Variants in SBF2 observed in about 807,000 individuals in gnomAD.
The protein encoded by SBF2 is myotubularin-related protein 13.
A neutral mutation model predicts 225.2 loss-of-function variants in SBF2; 112 were observed. The ratio of observed to expected loss-of-function variants is 0.50; its 90% CI spans 0.43 to 0.58. SBF2 has a LOEUF of 0.58. SBF2 is among the 20% of genes least tolerant of loss of function. The pLI is 0.00. For missense variants in SBF2, 1,996 were observed against 2,206.2 expected, an observed-to-expected ratio of 0.90 and a Z score of 1.91; for synonymous variants, 763 against 773.3, an observed-to-expected ratio of 0.99 and a Z score of 0.22.
Position 10,193,957 on chromosome 11 carries a change from T to C in SBF2, c.86A>G (p.Gln29Arg). The C allele has an allele frequency of 6.2e-7, 1 of 1,612,826 alleles. No individual in the cohort carries two copies. Among genetic ancestry groups the C allele is most frequent in the Non-Finnish European group, 8.5e-7 (1 of 1,178,870 alleles). ...GSGEGLGKII[Q>R]RFPQKDWDDT... Reference sequence around the variant, plus strand: ...ATCCCAGTCCTTCTGTGGAAATCTCTGGATTATTTTCCCCAGACCTTCTCC... The same window carrying C: ...ATCCCAGTCCTTCTGTGGAAATCTCCGGATTATTTTCCCCAGACCTTCTCC... Residue 29 changes from glutamine (Q) to arginine (R), a missense_variant, in exon 2 of 40, where the codon CAG becomes CGG. Coordinates refer to ENST00000256190, the MANE Select transcript of SBF2 (RefSeq NM_030962.4).
chr11:9,805,636 C>G (rs554096993), intron 32 of SBF2, among the ~76,000 whole-genome samples: 1 of 149,700 alleles, frequency 6.7e-6, no homozygotes. Context: ...TTTTTTTTTT[C>G]CCCCAAGACG....
At chr11:9,993,463 G>C (rs1947530468) in intron 10 of SBF2, among the ~76,000 whole-genome samples, 1 of 152,100 alleles carries the variant, frequency 6.6e-6, no homozygotes, top group South Asian at 2.1e-4. Context: ...ATAAAAAAGG[G>C]GCCTCTGTTA....
intron 28 of SBF2, 34 bp from the exon 29 acceptor site, chr11:9,817,058 T>C (rs749412772): frequency 6.2e-7 from 1 of 1,611,876 alleles, no homozygotes; most frequent in Admixed American, 1.7e-5. Flanking sequence ...AGTGAGATAA[T>C]CTAATGTGGG....
At chr11:9,972,197 C>T (rs1247037226) in intron 13 of SBF2, among the ~76,000 whole-genome samples, 1 of 152,020 alleles carries the variant, frequency 6.6e-6, no homozygotes, top group Non-Finnish European at 1.5e-5. Flanking sequence ...AATATAGTAC[C>T]TACTTCATAA....
At chr11:10,054,424 G>GT (rs1297976963) in intron 2 of SBF2, among the ~76,000 whole-genome samples, 3 of 152,078 alleles carry the variant, frequency 2.0e-5, no homozygotes, top group Non-Finnish European at 2.9e-5. Context: ...CAAAGACAAA[G>GT]GATAAGCTAA....
At chr11:10,157,400 A>G (rs533857534) in intron 2 of SBF2, among the ~76,000 whole-genome samples, 1 of 152,328 alleles carries the variant, frequency 6.6e-6, no homozygotes, top group South Asian at 2.1e-4. Context: ...ATTGCAACAA[A>G]AGCAAAAATT....
chr11:9,892,904 T>C (rs1272723688), intron 17 of SBF2, among the ~76,000 whole-genome samples: 5 of 152,276 alleles, frequency 3.3e-5, no homozygotes, highest in African/African-American at 4.8e-5. Flanking sequence ...GTTGGTGGCA[T>C]TGTGGACCAG....
intron 6 of SBF2, among the ~76,000 whole-genome samples, chr11:10,027,028 T>C (rs1340962043): frequency 1.3e-5 from 2 of 152,194 alleles, no homozygotes; most frequent in African/African-American, 4.8e-5. Flanking sequence ...TATGTACACA[T>C]TGCAGATAGG....
At chr11:10,277,280 G>C (rs1274441747) in intron 1 of SBF2, among the ~76,000 whole-genome samples, 1 of 50,906 alleles carries the variant, frequency 2.0e-5, no homozygotes, top group African/African-American at 4.9e-5. Flanking sequence ...ATCATGCAAA[G>C]CTATGTATCT....
At chr11:9,903,921 A>G (rs1293372662) in intron 16 of SBF2, among the ~76,000 whole-genome samples, 1 of 152,042 alleles carries the variant, frequency 6.6e-6, no homozygotes. Flanking sequence ...TGGTGCCTGC[A>G]TTCAATTAAC....
intron 2 of SBF2, among the ~76,000 whole-genome samples, chr11:10,086,097 GCT>G (rs1270197056): frequency 6.6e-6 from 1 of 151,288 alleles, no homozygotes; most frequent in African/African-American, 2.4e-5. Flanking sequence ...GTGCTGGTGT[GCT>G]CTGTCATTTC....
intron 16 of SBF2, among the ~76,000 whole-genome samples, chr11:9,918,653 G>C (rs1323602328): frequency 1.3e-5 from 2 of 152,106 alleles, no homozygotes; most frequent in Non-Finnish European, 2.9e-5. Flanking sequence ...TTACATTTAT[G>C]AGCCACTACG....
At chr11:10,090,054 A>G (rs1385958990) in intron 2 of SBF2, among the ~76,000 whole-genome samples, 1 of 152,234 alleles carries the variant, frequency 6.6e-6, no homozygotes, top group Non-Finnish European at 1.5e-5. Flanking sequence ...CTTGGAAGAC[A>G]TTATGCTAAG....
chr11:10,057,636 TCTGCTGCCTCTAAG>T (rs1950299666), intron 2 of SBF2, among the ~76,000 whole-genome samples: 1 of 152,164 alleles, frequency 6.6e-6, no homozygotes, highest in South Asian at 2.1e-4. Context: ...GATTTCTTCC[TCTGCTGCCTCTAAG>T]CTGAGGAAGG....
At chr11:10,083,422 C>T (rs1350079450) in intron 2 of SBF2, among the ~76,000 whole-genome samples, 1 of 152,026 alleles carries the variant, frequency 6.6e-6, no homozygotes, top group African/African-American at 2.4e-5. Flanking sequence ...GCTGAAATAG[C>T]CAAAGAAATC....
intron 16 of SBF2, among the ~76,000 whole-genome samples, chr11:9,913,861 T>G (rs1001683737): frequency 8.5e-5 from 13 of 152,172 alleles, no homozygotes; most frequent in African/African-American, 3.1e-4. Context: ...TCCTTTTGGT[T>G]GTTGTTGTTG....
chr11:9,978,226 T>C (rs993871533), intron 13 of SBF2, among the ~76,000 whole-genome samples: 3 of 152,232 alleles, frequency 2.0e-5, no homozygotes, highest in Non-Finnish European at 4.4e-5. Context: ...TATCATGTTC[T>C]GTTTTTTAAC....
chr11:10,259,638 T>C (rs1434550623), intron 1 of SBF2, among the ~76,000 whole-genome samples: 3 of 152,190 alleles, frequency 2.0e-5, no homozygotes, highest in African/African-American at 4.8e-5. Context: ...TCTGAAAATA[T>C]GTTTGATCTT....
Position 9,812,591 on chromosome 11 carries a change from G to A in SBF2, c.4096C>T (p.Pro1366Ser), listed in dbSNP as rs115927577. The stretch of plus-strand genomic sequence containing the variant: ...AGGAAGGTCACTTCTGAGTCAGTAG[G>A]GATGGTGCTTGGGATACAAGCCCTC... ...LMRACIPSTI[P>S]TDSEVTFLKA... Residue 1366 changes from proline to serine, a missense_variant, in exon 30 of 40, where the codon CCT (proline) becomes TCT (serine). Transcript: ENST00000256190. 9.1e-4 allele frequency: 1,476 copies of A among 1,614,162 alleles called. 10 individuals are homozygous for A. In the African/African-American group the frequency reaches 0.017, roughly 19 times the overall value.
Sources: gnomAD v4.1 joint callset for allele counts (sites outside exome capture counted in the v4.1 genomes callset) on GRCh38, gnomAD v4.1.1 for gene constraint, MANE v1.5 for transcripts, NCBI Gene and HGNC (gene_info 2026-07-23, HGNC 2026-07-21) for gene names.